Variants in MEI1 observed in about 807,000 individuals in gnomAD.
The protein encoded by MEI1 is meiosis inhibitor protein 1.
Under a neutral mutation model 146.2 loss-of-function variants are expected in MEI1, and 103 were observed. The ratio of observed to expected loss-of-function variants is 0.70; its 90% confidence interval spans 0.60 to 0.83. MEI1 has a LOEUF of 0.83. MEI1 is among the 40% of genes least tolerant of loss of function. The probability of loss-of-function intolerance (pLI) is 0.00; values close to 1 mark genes in which losing one functional copy is unlikely to be tolerated. For synonymous variants in MEI1, 652 were observed against 628.2 expected (o/e 1.04, Z -0.57); for missense variants, 1,529 against 1,533.0 (o/e 1.00, Z 0.04).
chr22:41,790,675 C>G (rs1222255714), intron 26 of MEI1, among the ~76,000 whole-genome samples: 1 of 152,010 alleles, frequency 6.6e-6, no homozygotes, highest in Non-Finnish European at 1.5e-5. Flanking sequence ...TCACTTACAA[C>G]CTCTGCCTCC....
chr22:41,753,108 T>A (rs1482521320), intron 16 of MEI1, among the ~76,000 whole-genome samples: 1 of 151,242 alleles, frequency 6.6e-6, no homozygotes, highest in East Asian at 1.9e-4. Context: ...AACAACCGCC[T>A]CCTGGGTTCA....
intron 18 of MEI1, 143 bp downstream of exon 18, chr22:41,758,676 G>A: frequency 1.2e-6 from 1 of 818,434 alleles, no homozygotes; most frequent in Non-Finnish European, 1.8e-6. Context: ...GTGTCCCTGA[G>A]AGGCTCATAT....
intron 11 of MEI1, among the ~76,000 whole-genome samples, chr22:41,741,770 C>A (rs1272291904): frequency 6.6e-6 from 1 of 152,020 alleles, no homozygotes; most frequent in Non-Finnish European, 1.5e-5. Flanking sequence ...GTCAAGAAAC[C>A]CCGTCTCTAC....
In MEI1 at chr22:41,737,847, G is replaced by T. The variant is rs1031125295; in HGVS notation, c.1332-5233G>T. Among the ~76,000 whole-genome samples, 8 of 152,258 alleles carry T rather than the reference G, an allele frequency of 5.3e-5. No homozygotes were observed. The South Asian group carries it at 1.2e-3, about 24-fold the overall frequency. On this transcript the variant is annotated intron_variant, in intron 11 of 30. Transcript: ENST00000401548. Reference sequence around the variant, plus strand: ...CGAATGTAGGATGTTAAAATGGACAGTGAGACTAAGGGATCCTAGCACCAC... The same window carrying T: ...CGAATGTAGGATGTTAAAATGGACATTGAGACTAAGGGATCCTAGCACCAC...
chr22:41,704,095 C>T (rs2068906320), intron 2 of MEI1, among the ~76,000 whole-genome samples: 1 of 152,208 alleles, frequency 6.6e-6, no homozygotes, highest in African/African-American at 2.4e-5. Context: ...TTTCCCTCTC[C>T]TGTGCCTTAA....
intron 3 of MEI1, among the ~76,000 whole-genome samples, chr22:41,705,760 T>G (rs1390903093): frequency 6.7e-6 from 1 of 150,100 alleles, no homozygotes; most frequent in South Asian, 2.1e-4. Flanking sequence ...CAGGCTGGAG[T>G]GCGGTGGTGC....
chr22:41,699,711 C>T lies in MEI1; in HGVS notation c.173C>T (p.Ser58Leu). The change falls in exon 1 of 31, where the codon TCG becomes TTG. Residue 58 changes from serine (S) to leucine (L), a missense_variant and splice_region_variant. By Grantham distance (145) the Ser-to-Leu change is moderately radical. This residue lies in a region of MEI1 where 1,212 missense variants were observed against 1,178.9 expected (regional missense o/e 1.03). Coordinates refer to ENST00000401548, the MANE Select transcript of MEI1 (RefSeq NM_152513.4). The stretch of plus-strand genomic sequence containing the variant: ...GAGCTGCTGCCGGACCCCGGCGTGT[C>T]GGTGCGGGCGGAACCTTTTCTTCAG... ...ALELLPDPGV[S>L]LVRKKHMLSC... The T allele has an allele frequency of 5.8e-6, 9 of 1,561,870 alleles. No individual in the cohort carries two copies. Among genetic ancestry groups the T allele is most frequent in the South Asian group, 1.2e-5 (1 of 85,472 alleles).
chr22:41,759,632 A>AAAT lies in MEI1; in HGVS notation c.2120+1101_2120+1102insTAA, dbSNP rs1569268709. Among the ~76,000 whole-genome samples the AAAT allele has an allele frequency of 3.2e-4, 43 of 135,676 alleles. 1 individual carries two copies. The highest frequency in any genetic ancestry group is 3.8e-3 in the Middle Eastern group (1 of 260). 89.0% of individuals were successfully genotyped at this position (135,676 alleles called of 152,430 possible). ...GCGACAGAGCGAGACTCCGTCTCAA[A>AAAT]AAATAAATAAATAAATAAATAAATA... is the stretch of plus-strand genomic sequence containing the variant. On this transcript the variant is annotated intron_variant, in intron 18 of 30. Transcript: ENST00000401548.
intron 1 of MEI1, among the ~76,000 whole-genome samples, chr22:41,701,129 G>T (rs998983268): frequency 5.3e-5 from 8 of 151,802 alleles, no homozygotes; most frequent in Admixed American, 4.6e-4. Context: ...AGTATAGACG[G>T]GGTTTCTCCA....
At chr22:41,736,152 T>G (rs771267306) in intron 11 of MEI1, among the ~76,000 whole-genome samples, 12 of 152,214 alleles carry the variant, frequency 7.9e-5, no homozygotes, top group Non-Finnish European at 1.6e-4. Context: ...CATATCACTG[T>G]AATCACTGCC....
At chr22:41,707,139 G>A (rs1031790088) in intron 3 of MEI1, among the ~76,000 whole-genome samples, 1 of 152,120 alleles carries the variant, frequency 6.6e-6, no homozygotes, top group Non-Finnish European at 1.5e-5. Context: ...GGAGGTGGAG[G>A]TTGCAGTGAG....
At chr22:41,727,513 C>T (rs943627420) in intron 7 of MEI1, among the ~76,000 whole-genome samples, 3 of 152,098 alleles carry the variant, frequency 2.0e-5, no homozygotes, top group Admixed American at 6.6e-5. Context: ...TGGGTAGACT[C>T]CTAGATTTGG....
At chr22:41,712,245 GTTTC>G (rs1181780798) in intron 3 of MEI1, among the ~76,000 whole-genome samples, 1 of 114,610 alleles carries the variant, frequency 8.7e-6, no homozygotes, top group Non-Finnish European at 1.7e-5. Flanking sequence ...TTGTTTGTTT[GTTTC>G]TTTGATACGG....
chr22:41,780,170 C>T (rs537476900), intron 22 of MEI1, among the ~76,000 whole-genome samples: 96 of 152,278 alleles, frequency 6.3e-4, no homozygotes, highest in Non-Finnish European at 1.2e-3. Context: ...TCAGAAGAGC[C>T]TCTGACAGGG....
At chr22:41,798,148 C>T (rs1304926079) in intron 30 of MEI1, among the ~76,000 whole-genome samples, 1 of 150,698 alleles carries the variant, frequency 6.6e-6, no homozygotes, top group African/African-American at 2.4e-5. Context: ...CACACACACA[C>T]ACACACACAC....
At chr22:41,749,852 G>A (rs1179098770) in intron 15 of MEI1, among the ~76,000 whole-genome samples, 2 of 151,752 alleles carry the variant, frequency 1.3e-5, no homozygotes, top group Non-Finnish European at 1.5e-5. Flanking sequence ...TGTGGATGGT[G>A]GTGTGTTTAA....
intron 23 of MEI1, 86 bp downstream of exon 23, chr22:41,781,480 A>C: frequency 1.6e-6 from 2 of 1,265,868 alleles, no homozygotes; most frequent in Non-Finnish European, 2.2e-6. Context: ...AAAAAAACAA[A>C]TAGGGTTGTG....
At chr22:41,784,867 AC>A in intron 26 of MEI1, 84 bp downstream of exon 26, 2 of 1,096,710 alleles carry the variant, frequency 1.8e-6, no homozygotes, top group Non-Finnish European at 2.4e-6. Flanking sequence ...TGATACTCCT[AC>A]CAGGGCTTGG....
chr22:41,770,622 C>T, intron 19 of MEI1, 64 bp from the exon 20 acceptor site: 1 of 1,476,408 alleles, frequency 6.8e-7, no homozygotes, highest in Non-Finnish European at 9.2e-7. Flanking sequence ...ATCTCTTGGC[C>T]ATGTTGGGGT....
Sources: allele counts gnomAD v4.1 joint callset (sites outside exome capture counted in the v4.1 genomes callset), GRCh38; gene constraint gnomAD v4.1.1; regional missense constraint gnomAD v4.1.1; transcripts MANE v1.5; gene names NCBI Gene and HGNC (gene_info 2026-07-23, HGNC 2026-07-21).